Variants in RRAS2 observed in about 807,000 individuals in gnomAD.
The protein encoded by RRAS2 is ras-related protein R-Ras2.
RRAS2 carries 7 observed loss-of-function variants against 27.6 expected under a neutral mutation model. That is an observed-to-expected ratio of 0.25 (90% CI 0.14 to 0.48). The LOEUF (loss-of-function observed/expected upper bound fraction) is 0.48. RRAS2 is among the 20% of genes least tolerant of loss of function. The pLI is 0.99. For synonymous variants in RRAS2, 86 were observed against 90.9 expected (o/e 0.95, Z 0.31); for missense variants, 178 against 256.2 (o/e 0.69, Z 2.08).
intron 1 of RRAS2, among the ~76,000 whole-genome samples, chr11:14,323,060 AAG>A (rs537393728): frequency 7.5e-4 from 115 of 152,340 alleles, no homozygotes; most frequent in African/African-American, 2.6e-3. Context: ...AGACATTTAA[AAG>A]AGAATACTAT....
chr11:14,317,997 G>A (rs1848148431), intron 1 of RRAS2, among the ~76,000 whole-genome samples: 2 of 152,144 alleles, frequency 1.3e-5, no homozygotes. Flanking sequence ...AAGAGAATCA[G>A]GTCATTTTCA....
At chr11:14,286,859 C>T (rs1849672142) in intron 4 of RRAS2, among the ~76,000 whole-genome samples, 1 of 152,160 alleles carries the variant, frequency 6.6e-6, no homozygotes. Context: ...GAACAATTAA[C>T]GATAAGGAAG....
chr11:14,303,284 G>A (rs1182212225), intron 1 of RRAS2, among the ~76,000 whole-genome samples: 7 of 152,172 alleles, frequency 4.6e-5, no homozygotes, highest in Admixed American at 4.6e-4. Flanking sequence ...TTTCATGTAT[G>A]TGTCTAAGTG....
At chr11:14,316,326 A>C (rs1440923195) in intron 1 of RRAS2, among the ~76,000 whole-genome samples, 2 of 152,222 alleles carry the variant, frequency 1.3e-5, no homozygotes, top group African/African-American at 4.8e-5. Context: ...GAAGAGAATC[A>C]ACCAAAAGAG....
intron 1 of RRAS2, chr11:14,354,449 A>C (rs1344831533): frequency 1.3e-5 from 2 of 152,154 alleles, no homozygotes; most frequent in Non-Finnish European, 2.9e-5. Context: ...AACTGACAAA[A>C]AGAAATTTCT....
Position 14,291,091 on chromosome 11 carries a change from T to A in RRAS2, c.408+3380A>T, listed in dbSNP as rs1215505768. Among the ~76,000 whole-genome samples the A allele has an allele frequency of 3.3e-5, 5 of 152,072 alleles. No homozygotes were observed. In the South Asian group the frequency reaches 8.3e-4, roughly 25 times the overall value. On this transcript the variant is annotated intron_variant, in intron 4 of 5. Coordinates refer to ENST00000256196, the MANE Select transcript of RRAS2 (RefSeq NM_012250.6). ...TGTAAGTGGAGGGAAGTGAACTTGA[T>A]GGGGTACCTGTGCACTCATGTTAGT...
chr11:14,348,861 T>A (rs1170559713), intron 1 of RRAS2, among the ~76,000 whole-genome samples: 2 of 152,320 alleles, frequency 1.3e-5, no homozygotes, highest in East Asian at 1.9e-4. Flanking sequence ...GCTAAAGGGG[T>A]ATCACTGCTT....
At chr11:14,326,842 C>CG (rs542579771) in intron 1 of RRAS2, among the ~76,000 whole-genome samples, 389 of 16,764 alleles carry the variant, frequency 0.023, 157 homozygotes, top group Non-Finnish European at 0.081. Context: ...GGGCGGATCA[C>CG]GAGGTCAGGA....
intron 1 of RRAS2, among the ~76,000 whole-genome samples, chr11:14,325,439 G>A (rs1554950871): frequency 6.6e-6 from 1 of 151,742 alleles, no homozygotes; most frequent in East Asian, 1.9e-4. Flanking sequence ...AGCCTCCTGG[G>A]ACTACAGGCG....
rs1352874625 is a variant in RRAS2 at position 14,294,769 on chromosome 11, T to C, written c.290A>G (p.Asp97Gly). The change falls in exon 3 of 6, where the codon GAT becomes GGT. Residue 97 changes from aspartate (D) to glycine (G), a missense_variant. Physicochemically the swap from Asp to Gly is moderately conservative, Grantham distance 94 (BLOSUM62 -1). Transcript: ENST00000256196. ...CTAATATGGTACAAACCTGCCTCTA[T>C]CTGTGACTGAAAAGACCAACAGGAA... ...EGFLLVFSVT[D>G]RGSFEEIYKF... The C allele has an allele frequency of 6.2e-7, 1 of 1,613,336 alleles. No homozygotes were observed. The highest frequency in any genetic ancestry group is 8.5e-7 in the Non-Finnish European group (1 of 1,179,610).
At chr11:14,285,852 C>T (rs1032895724) in intron 4 of RRAS2, among the ~76,000 whole-genome samples, 8 of 152,196 alleles carry the variant, frequency 5.3e-5, no homozygotes, top group Admixed American at 5.2e-4. Context: ...TTCCCCCCGT[C>T]TGGCTATTTT....
chr11:14,342,714 T>C (rs554381399), intron 1 of RRAS2, among the ~76,000 whole-genome samples: 3 of 152,270 alleles, frequency 2.0e-5, no homozygotes, highest in South Asian at 2.1e-4. Flanking sequence ...ATTAAGAAAA[T>C]AGAAGATGCC....
intron 4 of RRAS2, among the ~76,000 whole-genome samples, chr11:14,287,149 T>C (rs1355908306): frequency 6.6e-6 from 1 of 152,206 alleles, no homozygotes; most frequent in Non-Finnish European, 1.5e-5. Flanking sequence ...ACCATCTGGT[T>C]ACCACTGACA....
chr11:14,357,286 C>T (rs1264300498), intron 1 of RRAS2, among the ~76,000 whole-genome samples: 1 of 152,136 alleles, frequency 6.6e-6, no homozygotes, highest in Non-Finnish European at 1.5e-5. Context: ...ACTTCTCCTC[C>T]ACTTATCCCC....
At chr11:14,318,870 A>T (rs1848167320) in intron 1 of RRAS2, among the ~76,000 whole-genome samples, 1 of 152,242 alleles carries the variant, frequency 6.6e-6, no homozygotes, top group Non-Finnish European at 1.5e-5. Context: ...ACATATCTGT[A>T]TACTTTGACT....
In RRAS2 at chr11:14,294,529, C is replaced by T. The variant is rs566703225; in HGVS notation, c.350G>A (p.Arg117His). The T allele has an allele frequency of 4.5e-5, 72 of 1,600,608 alleles. No homozygotes were observed. Among genetic ancestry groups the T allele is most frequent in the East Asian group, 2.5e-4 (11 of 44,770 alleles). ...FQRQILRVKD[R>H]DEFPMILIGN... is the part of the protein sequence containing the mutation. ...AATTAAAATCATTGGGAACTCATCA[C>T]GATCCTTTACTCTGAGAATCTGTCT... The change falls in exon 4 of 6, where the codon CGT becomes CAT. Residue 117 changes from arginine (R) to histidine (H), a missense_variant. Coordinates refer to ENST00000256196, the MANE Select transcript of RRAS2 (RefSeq NM_012250.6).
At chr11:14,350,406 C>A (rs575567048) in intron 1 of RRAS2, among the ~76,000 whole-genome samples, 1 of 152,130 alleles carries the variant, frequency 6.6e-6, no homozygotes, top group Non-Finnish European at 1.5e-5. Flanking sequence ...GCGCCTCCCC[C>A]ACTGGCTTGC....
chr11:14,287,017 C>T (rs1375837823), intron 4 of RRAS2, among the ~76,000 whole-genome samples: 2 of 152,142 alleles, frequency 1.3e-5, no homozygotes, highest in Admixed American at 6.5e-5. Context: ...GGGATGTCAT[C>T]CCTTCTCTCT....
intron 1 of RRAS2, among the ~76,000 whole-genome samples, chr11:14,323,322 G>A (rs1848269182): frequency 6.6e-6 from 1 of 152,030 alleles, no homozygotes; most frequent in Admixed American, 6.6e-5. Flanking sequence ...GCCAAGCATA[G>A]CGGCATGCGC....
Sources: gnomAD v4.1 joint callset for allele counts (sites outside exome capture counted in the v4.1 genomes callset) on GRCh38, gnomAD v4.1.1 for gene constraint, MANE v1.5 for transcripts, NCBI Gene and HGNC (gene_info 2026-07-23, HGNC 2026-07-21) for gene names.